The following ADAP1 variants were observed in gnomAD, a reference collection of about 807,000 sequenced individuals.
ADAP1 encodes the protein ArfGAP with dual PH domains 1, also known as arf-GAP with dual PH domain-containing protein 1.
ADAP1 carries 31 observed loss-of-function variants against 54.9 expected under a neutral mutation model. The ratio of observed to expected loss-of-function variants is 0.56; its 90% CI spans 0.42 to 0.76. The LOEUF (loss-of-function observed/expected upper bound fraction) is 0.76. Among genes scored for constraint, ADAP1 ranks in the 30% least tolerant of loss-of-function variants. The probability of loss-of-function intolerance (pLI) is 0.00; values close to 1 mark genes in which losing one functional copy is unlikely to be tolerated. For missense variants in ADAP1, 535 were observed against 512.4 expected, an observed-to-expected ratio of 1.04 and a Z score of -0.42; for synonymous variants, 313 against 202.6, an observed-to-expected ratio of 1.55 and a Z score of -4.63.
At position 899,055 on chromosome 7, in the gene ADAP1, G is replaced by A. The variant is rs1471079176; in HGVS notation, c.1074C>T (p.Pro358=). The A allele has an allele frequency of 5.6e-6, 9 of 1,608,694 alleles. No homozygotes were observed. The highest frequency in any genetic ancestry group is 1.1e-5 in the South Asian group (1 of 91,084). Residue 358 remains proline, a synonymous_variant, in exon 10 of 11, where the codon CCC becomes CCT. Coordinates refer to ENST00000265846, the MANE Select transcript of ADAP1 (RefSeq NM_006869.4). ...CACCTGCGTACTCCTGGGGCAGCAT[G>A]GGCCTGTCCACCGCCTTCTGGAAGG... ...VAAFQKAVDR[P]MLPQEYAVEA... is the part of the protein sequence containing the mutation.
intron 4 of ADAP1, among the ~76,000 whole-genome samples, chr7:915,396 G>A (rs964432311): frequency 3.3e-5 from 5 of 152,242 alleles, no homozygotes; most frequent in African/African-American, 1.2e-4. Context: ...TCCACAGGCA[G>A]ATCATGAGCC....
At chr7:954,837 G>T, upstream of ADAP1, 1 of 596,438 alleles carries the variant, frequency 1.7e-6, no homozygotes, top group Non-Finnish European at 2.1e-6. Flanking sequence ...CCCGCCGCCC[G>T]CCCCCCATCC....
chr7:901,634 G>GC (rs34127159), intron 6 of ADAP1, among the ~76,000 whole-genome samples: 3 of 130,036 alleles, frequency 2.3e-5, no homozygotes, highest in Admixed American at 8.1e-5. Context: ...ACCCAGCAAA[G>GC]CCCCACCCAC....
chr7:937,436 G>A (rs1481462418), intron 1 of ADAP1, among the ~76,000 whole-genome samples: 7 of 21,446 alleles, frequency 3.3e-4, no homozygotes, highest in Admixed American at 1.1e-3. Flanking sequence ...TGGGATTTGG[G>A]GGTCACGCCC....
chr7:926,900 C>T lies in ADAP1; in HGVS notation c.214-256G>A, dbSNP rs779139265. 20 of 1,079,664 alleles carry T rather than the reference C, an allele frequency of 1.9e-5. No homozygotes were observed. Among genetic ancestry groups the T allele is most frequent in the Non-Finnish European group, 2.4e-5 (19 of 801,830 alleles). 66.9% of individuals were successfully genotyped at this position (1,079,664 alleles called of 1,614,324 possible). A position where few individuals can be genotyped will look rare whatever the true frequency, so the allele number is the denominator to read the frequency against. ...GGCAAAGGGGGCCCAGGGGCCAGGC[C>T]CCTTTTGAGGATGGGTCTGAGGTTT... On this transcript the variant is annotated intron_variant, in intron 2 of 10. Transcript: ENST00000265846. This position sits in a 1 kb window ranked among gnomAD's most constrained non-coding sequence, Gnocchi z 4.6.
At chr7:927,344 C>T (rs1846425506) in intron 2 of ADAP1, 2 of 882,122 alleles carry the variant, frequency 2.3e-6, no homozygotes, top group East Asian at 6.5e-5. Flanking sequence ...CTGGCAATGA[C>T]CCTGCCGCCA....
rs145075367 is a variant in ADAP1, at chr7:901,984, C to T, written c.649-1368G>A. 2.1e-3 allele frequency among the ~76,000 whole-genome samples: 326 copies of T among 152,154 alleles called. 3 individuals are homozygous for T. Among genetic ancestry groups the T allele is most frequent in the African/African-American group, 7.2e-3 (300 of 41,512 alleles). ...AGCCGACTCTGGGGCTCCGGGCAGA[C>T]GGGGCATGCCTGGTGCACTCCACGC... is the stretch of plus-strand genomic sequence containing the variant. On this transcript the variant is annotated intron_variant, in intron 6 of 10. Coordinates refer to ENST00000265846, the MANE Select transcript of ADAP1 (RefSeq NM_006869.4).
intron 4 of ADAP1, among the ~76,000 whole-genome samples, chr7:913,806 G>A (rs1639362425): frequency 6.6e-6 from 1 of 152,160 alleles, no homozygotes; most frequent in South Asian, 2.1e-4. Flanking sequence ...GTGGTGGGGG[G>A]CGCCTGTAGT....
intron 1 of ADAP1, among the ~76,000 whole-genome samples, chr7:949,177 G>A (rs983628329): frequency 3.3e-5 from 5 of 152,358 alleles, no homozygotes; most frequent in Middle Eastern, 3.4e-3. Context: ...GTACGGAGCG[G>A]GGGAAGGCGC....
Position 900,623 on chromosome 7 carries a change from G to A in ADAP1, c.649-7C>T, listed in dbSNP as rs1382635959. Reference sequence around the variant, plus strand: ...TGAACCAGTCCACAATCTCCTAGGGGCAAAGGTGGGCACAGGCTTGGGCTG... The same window carrying A: ...TGAACCAGTCCACAATCTCCTAGGGACAAAGGTGGGCACAGGCTTGGGCTG... On this transcript the variant is annotated splice_polypyrimidine_tract_variant and splice_region_variant and intron_variant, in intron 6 of 10. Transcript: ENST00000265846. The A allele has an allele frequency of 6.2e-7, 1 of 1,602,478 alleles. No individual in the cohort carries two copies. Among genetic ancestry groups the A allele is most frequent in the East Asian group, 2.2e-5 (1 of 44,510 alleles).
Position 926,697 on chromosome 7 carries a change from G to A in ADAP1, c.214-53C>T. 2.1e-6 allele frequency: 3 copies of A among 1,418,410 alleles called. No individual in the cohort carries two copies. The highest frequency in any genetic ancestry group is 2.8e-6 in the Non-Finnish European group (3 of 1,057,780). The allele number at this position is 1,418,410 out of a possible 1,614,324, so 87.9% of individuals were successfully genotyped here. On this transcript the variant is annotated intron_variant, in intron 2 of 10. Transcript: ENST00000265846. The surrounding 1 kb of genome is among the most constrained non-coding windows in gnomAD (Gnocchi z 4.6). ...GGCCTGGGGTCCCAGGGGCAGCCTA[G>A]GAGGTGCCAGCTGCCCTTGGGGCCG...
chr7:914,118 C>A (rs1292668614), intron 4 of ADAP1, among the ~76,000 whole-genome samples: 1 of 152,226 alleles, frequency 6.6e-6, no homozygotes, highest in African/African-American at 2.4e-5. Context: ...AGCCAAGGTG[C>A]AGGCTGTGGG....
At chr7:905,883 A>AGAAGGGAGAAAGG (rs1562913155) in intron 4 of ADAP1, among the ~76,000 whole-genome samples, 6 of 8,584 alleles carry the variant, frequency 7.0e-4, no homozygotes, top group Non-Finnish European at 1.3e-3. Flanking sequence ...GGGAGAAAGG[A>AGAAGGGAGAAAGG]GAAAGGAGAA....
At chr7:947,219 T>G (rs1429368292) in intron 1 of ADAP1, among the ~76,000 whole-genome samples, 379 of 145,410 alleles carry the variant, frequency 2.6e-3, no homozygotes, top group African/African-American at 8.5e-3. Flanking sequence ...TTTTGGTTTT[T>G]TTTTTTTTTT....
At chr7:924,048 AC>A (rs556073728) in intron 3 of ADAP1, among the ~76,000 whole-genome samples, 36 of 114,312 alleles carry the variant, frequency 3.1e-4, no homozygotes, top group African/African-American at 1.2e-3. Flanking sequence ...TCCACGCTGC[AC>A]CCCCCGCCCT....
chr7:910,427 T>A (rs1845676912), intron 4 of ADAP1, among the ~76,000 whole-genome samples: 1 of 152,098 alleles, frequency 6.6e-6, no homozygotes, highest in Admixed American at 6.5e-5. Flanking sequence ...GTTCTGTATT[T>A]TTTTGTAGAG....
chr7:931,097 CGGAGGGACGGAGAGACAGAG>C (rs1293597312), intron 2 of ADAP1, among the ~76,000 whole-genome samples: 1 of 142,208 alleles, frequency 7.0e-6, no homozygotes, highest in Non-Finnish European at 1.5e-5. Context: ...GAAGGAAGGA[CGGAGGGACGGAGAGACAGAG>C]GGAGGGACGG....
chr7:922,289 C>T (rs923907287), intron 3 of ADAP1, among the ~76,000 whole-genome samples: 2 of 152,302 alleles, frequency 1.3e-5, no homozygotes, highest in East Asian at 3.9e-4. Flanking sequence ...GGGAGCCAGG[C>T]TTCAAGGACC....
At chr7:908,824 T>A (rs1845586686) in intron 4 of ADAP1, among the ~76,000 whole-genome samples, 1 of 152,214 alleles carries the variant, frequency 6.6e-6, no homozygotes, top group African/African-American at 2.4e-5. Flanking sequence ...AAGGCGTGCG[T>A]GTCCGTGTCA....
Sources: allele counts gnomAD v4.1 joint callset (sites outside exome capture counted in the v4.1 genomes callset), GRCh38; gene constraint gnomAD v4.1.1; non-coding constraint Gnocchi (gnomAD v3.1); transcripts MANE v1.5; gene names NCBI Gene and HGNC (gene_info 2026-07-23, HGNC 2026-07-21).